Variants in RYR3 observed in about 807,000 individuals in gnomAD.
RYR3 encodes brain ryanodine receptor-calcium release channel.
Under a neutral mutation model 584.3 loss-of-function variants are expected in RYR3, and 207 were observed. That is an observed-to-expected ratio of 0.35 (90% CI 0.32 to 0.40). The LOEUF is 0.40. Among genes scored for constraint, RYR3 ranks in the 10% least tolerant of loss-of-function variants. The probability of loss-of-function intolerance (pLI) is 1.00; values close to 1 mark genes in which losing one functional copy is unlikely to be tolerated. For synonymous variants in RYR3, 2,416 were observed against 2,248.5 expected, an observed-to-expected ratio of 1.07 and a Z score of -2.11; for missense variants, 5,616 against 6,089.2, an observed-to-expected ratio of 0.92 and a Z score of 2.59.
chr15:33,684,218 G>T (rs1373050226), intron 38 of RYR3, among the ~76,000 whole-genome samples: 1 of 152,226 alleles, frequency 6.6e-6, no homozygotes, highest in Non-Finnish European at 1.5e-5. Flanking sequence ...GCCTAACTGG[G>T]AGACACCTCC....
At position 33,581,568 on chromosome 15, in the gene RYR3, C is replaced by T. The variant is rs1422633583; in HGVS notation, c.1498C>T (p.His500Tyr). Residue 500 changes from histidine to tyrosine, a missense_variant, in exon 14 of 104, where the codon CAC becomes TAC. Coordinates refer to ENST00000634891, the MANE Select transcript of RYR3 (RefSeq NM_001036.6). ...DRLNVYNSVAHFAGIAREESG... is the reference protein window; with the variant it reads ...DRLNVYNSVAYFAGIAREESG... Reference sequence around the variant, plus strand: ...CTTAAATGTCTACAATAGCGTAGCACACTTTGCAGGGATTGCAAGGGAAGA... The same window carrying T: ...CTTAAATGTCTACAATAGCGTAGCATACTTTGCAGGGATTGCAAGGGAAGA... 2 of 1,613,074 alleles carry T rather than the reference C, an allele frequency of 1.2e-6. No homozygotes were observed. The highest frequency in any genetic ancestry group is 2.7e-5 in the African/African-American group (2 of 75,028).
chr15:33,755,632 CA>C (rs1469623842), intron 58 of RYR3, among the ~76,000 whole-genome samples: 3 of 149,806 alleles, frequency 2.0e-5, no homozygotes, highest in African/African-American at 7.6e-5. Context: ...AACAAACAAA[CA>C]AACAAAAACT....
intron 38 of RYR3, among the ~76,000 whole-genome samples, chr15:33,675,262 C>T (rs1408304136): frequency 1.3e-5 from 2 of 152,300 alleles, no homozygotes; most frequent in African/African-American, 2.4e-5. Context: ...AATATTACCT[C>T]GTTTAATTCT....
chr15:33,827,056 C>G (rs2077414480), intron 84 of RYR3, 143 bp from the exon 85 acceptor site: 1 of 738,890 alleles, frequency 1.4e-6, no homozygotes, highest in African/African-American at 1.7e-5. Flanking sequence ...AGAGCTCTGC[C>G]CTGCAGGATC....
rs1463928315 is a variant in RYR3, at chr15:33,553,658, T to A, written c.972+3342T>A. 2.0e-5 allele frequency among the ~76,000 whole-genome samples: 3 copies of A among 152,284 alleles called. No individual in the cohort carries two copies. The South Asian group carries it at 6.2e-4, about 32-fold the overall frequency. Reference sequence around the variant, plus strand: ...TCCTTCCCCCAACTTCAGCAGCTGATGCAACTCAAATTGGAGAGCTAGGAT... The same window carrying A: ...TCCTTCCCCCAACTTCAGCAGCTGAAGCAACTCAAATTGGAGAGCTAGGAT... On this transcript the variant is annotated intron_variant, in intron 10 of 103. Coordinates refer to ENST00000634891, the MANE Select transcript of RYR3 (RefSeq NM_001036.6).
At chr15:33,396,162 C>T (rs1567158337) in intron 1 of RYR3, among the ~76,000 whole-genome samples, 1 of 152,070 alleles carries the variant, frequency 6.6e-6, no homozygotes, top group Admixed American at 6.5e-5. Flanking sequence ...AGGGGCCGGC[C>T]CACTTGAGTG....
At chr15:33,315,134 C>T (rs77525280) in intron 1 of RYR3, among the ~76,000 whole-genome samples, 1 of 152,132 alleles carries the variant, frequency 6.6e-6, no homozygotes, top group African/African-American at 2.4e-5. Context: ...GGATTGGTCC[C>T]TTGTCTTGGG....
chr15:33,623,951 T>C lies in RYR3; in HGVS notation c.2502T>C (p.Ile834=). The C allele has an allele frequency of 6.2e-7, 1 of 1,613,934 alleles. No individual in the cohort carries two copies. Among genetic ancestry groups the C allele is most frequent in the East Asian group, 2.2e-5 (1 of 44,882 alleles). ...AATATAAACGTGATGCTGATGGCATTAGAGATCTCTTGGGTACCACCCAGT... is the reference window on the plus strand; with the variant it reads ...AATATAAACGTGATGCTGATGGCATCAGAGATCTCTTGGGTACCACCCAGT... ...VKEYKRDADG[I]RDLLGTTQFL... The change falls in exon 20 of 104, where the codon ATT becomes ATC. Residue 834 remains isoleucine, a synonymous_variant. Coordinates refer to ENST00000634891, the MANE Select transcript of RYR3 (RefSeq NM_001036.6).
At chr15:33,483,113 A>C (rs955103098) in intron 2 of RYR3, among the ~76,000 whole-genome samples, 2 of 151,970 alleles carry the variant, frequency 1.3e-5, no homozygotes, top group African/African-American at 4.8e-5. Flanking sequence ...TAAAGTTTGC[A>C]GTTGTTTATT....
intron 1 of RYR3, among the ~76,000 whole-genome samples, chr15:33,416,446 A>G (rs1437775761): frequency 6.6e-6 from 1 of 152,206 alleles, no homozygotes; most frequent in Admixed American, 6.5e-5. Flanking sequence ...GCATTTCTCT[A>G]ATAATTAGTA....
rs1359317135 is a variant in RYR3 at position 33,533,464 on chromosome 15, T to A, written c.433+75T>A. The A allele has an allele frequency of 3.9e-6, 4 of 1,016,406 alleles. No individual in the cohort carries two copies. In the East Asian group the frequency reaches 1.0e-4, roughly 26 times the overall value. The allele number at this position is 1,016,406 out of a possible 1,614,324, so 63.0% of individuals were successfully genotyped here. On this transcript the variant is annotated intron_variant, in intron 5 of 103. Transcript: ENST00000634891. ...AGGGGCTTTTGAGAAGGACCCTGAA[T>A]GCGTTACTCATTTGGGATTCCAAAC...
intron 3 of RYR3, among the ~76,000 whole-genome samples, chr15:33,513,504 A>G (rs2053222572): frequency 6.6e-6 from 1 of 152,240 alleles, no homozygotes; most frequent in South Asian, 2.1e-4. Flanking sequence ...TAGGCGAACC[A>G]TGGTGTAAAA....
intron 64 of RYR3, 76 bp downstream of exon 64, chr15:33,773,691 TATC>T (rs1567143478): frequency 1.0e-6 from 1 of 970,228 alleles, no homozygotes; most frequent in Non-Finnish European, 1.6e-6. Context: ...CACTTAATGA[TATC>T]ATTTCAATCC....
intron 48 of RYR3, among the ~76,000 whole-genome samples, chr15:33,735,727 G>A (rs550665761): frequency 3.0e-4 from 46 of 152,246 alleles, no homozygotes; most frequent in African/African-American, 1.1e-3. Context: ...GTTGTTTTGA[G>A]AACAAAGCCT....
intron 1 of RYR3, among the ~76,000 whole-genome samples, chr15:33,434,877 G>GT (rs1415385684): frequency 6.6e-6 from 1 of 152,144 alleles, no homozygotes; most frequent in Non-Finnish European, 1.5e-5. Context: ...GAGTGCAGTG[G>GT]TGCGATCTTG....
intron 1 of RYR3, among the ~76,000 whole-genome samples, chr15:33,426,573 A>G (rs2044672111): frequency 6.6e-6 from 1 of 152,190 alleles, no homozygotes; most frequent in Non-Finnish European, 1.5e-5. Context: ...CACAAGATAC[A>G]TGGTTAAGTG....
intron 1 of RYR3, among the ~76,000 whole-genome samples, chr15:33,316,222 A>T (rs1426187153): frequency 6.6e-6 from 1 of 152,122 alleles, no homozygotes; most frequent in Non-Finnish European, 1.5e-5. Context: ...ATCTGTGCTT[A>T]TTTGCCTCTT....
At position 33,763,270 on chromosome 15, in the gene RYR3, G is replaced by T. The variant is rs997414786; in HGVS notation, c.8706-5388G>T. On this transcript the variant is annotated intron_variant, in intron 60 of 103. Coordinates refer to ENST00000634891, the MANE Select transcript of RYR3 (RefSeq NM_001036.6). ...AACAAAAGCCATAATTGACAAATGG[G>T]GTCTAATTAAACCAAAGAGCTTCTG... is the stretch of plus-strand genomic sequence containing the variant. Among the ~76,000 whole-genome samples, 4 of 151,994 alleles carry T rather than the reference G, an allele frequency of 2.6e-5. No individual in the cohort carries two copies. The South Asian group carries it at 8.3e-4, about 32-fold the overall frequency.
At chr15:33,665,076 T>A (rs1409379456) in intron 36 of RYR3, among the ~76,000 whole-genome samples, 1 of 152,234 alleles carries the variant, frequency 6.6e-6, no homozygotes, top group Non-Finnish European at 1.5e-5. Context: ...CTGAAGGCTT[T>A]ACAAATGTTG....
Sources: gnomAD v4.1 joint callset for allele counts (sites outside exome capture counted in the v4.1 genomes callset) on GRCh38, gnomAD v4.1.1 for gene constraint, MANE v1.5 for transcripts, NCBI Gene and HGNC (gene_info 2026-07-23, HGNC 2026-07-21) for gene names.